KCNMB2: variants seen among roughly 807,000 people sequenced by gnomAD.
KCNMB2 encodes the protein potassium calcium-activated channel subfamily M regulatory beta subunit 2, also known as calcium-activated potassium channel subunit beta-2.
A neutral mutation model predicts 24.5 loss-of-function variants in KCNMB2; 9 were observed. The observed-to-expected ratio is 0.37, with a 90% CI of 0.22 to 0.64. The LOEUF is 0.64. Ranked by LOEUF, KCNMB2 falls within the 30% of genes least tolerant of loss-of-function variation. KCNMB2 has a pLI of 0.63. For synonymous variants in KCNMB2, 109 were observed against 104.4 expected (o/e 1.04, Z -0.27); for missense variants, 226 against 284.3 (o/e 0.79, Z 1.47).
intron 1 of KCNMB2, among the ~76,000 whole-genome samples, chr3:178,728,575 GTTC>G (rs2108364840): frequency 6.6e-6 from 1 of 152,234 alleles, no homozygotes; most frequent in South Asian, 2.1e-4. Flanking sequence ...ATGAATCTGT[GTTC>G]TTGACAACTC....
chr3:178,825,609 G>A lies in KCNMB2; in HGVS notation c.78G>A (p.Arg26=). Residue 26 remains arginine, a synonymous_variant, in exon 3 of 5, where the codon AGG becomes AGA. Coordinates refer to ENST00000452583, the MANE Select transcript of KCNMB2 (RefSeq NM_181361.3). Reference sequence around the variant, plus strand: ...TCAGAAATATTTACCAGAAAATCAGGGACCATGACCTCCTGGACAAAAGGA... The same window carrying A: ...TCAGAAATATTTACCAGAAAATCAGAGACCATGACCTCCTGGACAAAAGGA... The part of the protein sequence containing the change: ...DEKRNIYQKI[R]DHDLLDKRKT... 1 of 1,612,934 alleles carries A rather than the reference G, an allele frequency of 6.2e-7. No individual in the cohort carries two copies.
chr3:178,704,348 C>G (rs1243827168), intron 1 of KCNMB2, among the ~76,000 whole-genome samples: 1 of 152,032 alleles, frequency 6.6e-6, no homozygotes, highest in Admixed American at 6.6e-5. Flanking sequence ...GCATACATTC[C>G]AAACCTAGAA....
intron 1 of KCNMB2, among the ~76,000 whole-genome samples, chr3:178,584,948 A>G (rs963319028): frequency 2.0e-5 from 3 of 152,226 alleles, no homozygotes; most frequent in African/African-American, 7.2e-5. Context: ...CATTGTTTAC[A>G]TATTGTGTTT....
Position 178,639,990 on chromosome 3 carries a change from T to C in KCNMB2, c.-68+103279T>C, listed in dbSNP as rs189144033. Reference sequence around the variant, plus strand: ...AGAAAAAGATTTCCTCATACTGTTATGTATGTGTCTAGTACAATGTCTGAC... The same window carrying C: ...AGAAAAAGATTTCCTCATACTGTTACGTATGTGTCTAGTACAATGTCTGAC... On this transcript the variant is annotated intron_variant, in intron 1 of 4. Coordinates refer to ENST00000452583, the MANE Select transcript of KCNMB2 (RefSeq NM_181361.3). Among the ~76,000 whole-genome samples the C allele has an allele frequency of 5.4e-4, 82 of 152,334 alleles. No individual in the cohort carries two copies. The East Asian group carries it at 7.7e-3, about 14-fold the overall frequency.
At chr3:178,719,447 C>G (rs1435091076) in intron 1 of KCNMB2, among the ~76,000 whole-genome samples, 3 of 152,238 alleles carry the variant, frequency 2.0e-5, no homozygotes. Context: ...TGACTCTGTT[C>G]TGGGCCTCTA....
intron 1 of KCNMB2, among the ~76,000 whole-genome samples, chr3:178,709,263 C>T (rs1051821210): frequency 2.6e-5 from 4 of 152,148 alleles, no homozygotes. Flanking sequence ...GGGCTGTGAA[C>T]GCGAAACAGA....
At chr3:178,816,219 A>G (rs1420824850) in intron 2 of KCNMB2, among the ~76,000 whole-genome samples, 1 of 151,836 alleles carries the variant, frequency 6.6e-6, no homozygotes, top group African/African-American at 2.4e-5. Context: ...TCAGTAAGTT[A>G]TATTTTTGGA....
At chr3:178,771,510 C>T in intron 1 of KCNMB2, among the ~76,000 whole-genome samples, 1 of 107,502 alleles carries the variant, frequency 9.3e-6, no homozygotes, top group East Asian at 3.0e-4. Context: ...GAGACAGGGT[C>T]TCACTCTGTC....
At chr3:178,703,615 CAG>C (rs1313792515) in intron 1 of KCNMB2, among the ~76,000 whole-genome samples, 1 of 152,120 alleles carries the variant, frequency 6.6e-6, no homozygotes, top group Non-Finnish European at 1.5e-5. Flanking sequence ...CTTTAGCTAA[CAG>C]TACTCAGCTA....
intron 1 of KCNMB2, among the ~76,000 whole-genome samples, chr3:178,714,548 G>A (rs1722556756): frequency 6.6e-6 from 1 of 152,232 alleles, no homozygotes; most frequent in Non-Finnish European, 1.5e-5. Flanking sequence ...GTGTAAGGAT[G>A]TAGACTCGGG....
intron 1 of KCNMB2, among the ~76,000 whole-genome samples, chr3:178,614,293 A>ATGTG (rs1424585232): frequency 1.2e-5 from 1 of 85,968 alleles, no homozygotes; most frequent in Non-Finnish European, 2.3e-5. Context: ...ATATATATAT[A>ATGTG]TATGTATGTA....
Position 178,843,393 on chromosome 3 carries a change from G to T in KCNMB2, c.*456G>T. ...AAACTGAGCCCTATAGCAAGTGAAG[G>T]GACCAGATTTCCTAATTAAAGGAAG... On this transcript the variant is annotated 3_prime_UTR_variant, in exon 5 of 5. Coordinates refer to ENST00000452583, the MANE Select transcript of KCNMB2 (RefSeq NM_181361.3). 1 of 210,894 alleles carries T rather than the reference G, an allele frequency of 4.7e-6. No individual in the cohort carries two copies. The highest frequency in any genetic ancestry group is 5.7e-5 in the South Asian group (1 of 17,638). 13.1% of individuals were successfully genotyped at this position (210,894 alleles called of 1,614,324 possible).
intron 1 of KCNMB2, among the ~76,000 whole-genome samples, chr3:178,761,319 C>G (rs1313590573): frequency 3.3e-5 from 5 of 152,168 alleles, no homozygotes; most frequent in African/African-American, 1.2e-4. Context: ...CAGGTCATCA[C>G]ATGGAACGAG....
At chr3:178,705,880 T>A (rs908416549) in intron 1 of KCNMB2, among the ~76,000 whole-genome samples, 1 of 151,934 alleles carries the variant, frequency 6.6e-6, no homozygotes, top group Non-Finnish European at 1.5e-5. Flanking sequence ...TAAAACCCCA[T>A]CTCCTTCAGC....
rs776755604 is a variant in KCNMB2, at chr3:178,825,588, A to G, written c.57A>G (p.Arg19=). The G allele has an allele frequency of 3.7e-6, 6 of 1,611,698 alleles. No homozygotes were observed. Among genetic ancestry groups the G allele is most frequent in the Non-Finnish European group, 5.1e-6 (6 of 1,178,224 alleles). ...AAGACCATATTGTTTTTAACCTCAG[A>G]AATATTTACCAGAAAATCAGGGACC... ...TSSSYRHDEK[R]NIYQKIRDHD... Residue 19 remains arginine, a splice_region_variant and synonymous_variant, in exon 3 of 5, where the codon AGA becomes AGG. Coordinates refer to ENST00000452583, the MANE Select transcript of KCNMB2 (RefSeq NM_181361.3).
chr3:178,598,722 G>A (rs1717968881), intron 1 of KCNMB2, among the ~76,000 whole-genome samples: 2 of 151,924 alleles, frequency 1.3e-5, no homozygotes, highest in Admixed American at 1.3e-4. Flanking sequence ...GAGTGCTCAC[G>A]TGACCAGGGA....
chr3:178,836,659 T>A (rs767439480), intron 4 of KCNMB2, among the ~76,000 whole-genome samples: 4 of 152,140 alleles, frequency 2.6e-5, no homozygotes, highest in Non-Finnish European at 4.4e-5. Flanking sequence ...AAAGAAAGAA[T>A]GACCTATAGC....
At chr3:178,764,893 A>G (rs1251119004) in intron 1 of KCNMB2, among the ~76,000 whole-genome samples, 1 of 152,238 alleles carries the variant, frequency 6.6e-6, no homozygotes, top group South Asian at 2.1e-4. Context: ...TTAAATAGCT[A>G]TTTAACTCAC....
rs984663344 is a variant in KCNMB2, at chr3:178,649,699, T to C, written c.-68+112988T>C. On this transcript the variant is annotated intron_variant, in intron 1 of 4. Transcript: ENST00000452583. ...TCTCTGATGGTAGTTTGTATTTCTG[T>C]GGGATCAGTGATGATATCCCCTTTA... Among the ~76,000 whole-genome samples, 43 of 152,176 alleles carry C rather than the reference T, an allele frequency of 2.8e-4. 1 individual carries two copies. The highest frequency in any genetic ancestry group is 2.9e-5 in the Non-Finnish European group (2 of 68,040).
Sources: allele counts gnomAD v4.1 joint callset (sites outside exome capture counted in the v4.1 genomes callset), GRCh38; gene constraint gnomAD v4.1.1; transcripts MANE v1.5; gene names NCBI Gene and HGNC (gene_info 2026-07-23, HGNC 2026-07-21).